PTPRD: variants seen among roughly 807,000 people sequenced by gnomAD.
The protein encoded by PTPRD is protein tyrosine phosphatase receptor type D.
PTPRD carries 34 observed loss-of-function variants against 214.5 expected under a neutral mutation model. That is an observed-to-expected ratio of 0.16 (90% CI 0.12 to 0.21). The LOEUF (loss-of-function observed/expected upper bound fraction) is 0.21, where lower values mean the gene tolerates loss of function less well. Among genes scored for constraint, PTPRD ranks in the 10% least tolerant of loss-of-function variants. PTPRD has a pLI of 1.00. For synonymous variants in PTPRD, 1,128 were observed against 845.7 expected, an observed-to-expected ratio of 1.33 and a Z score of -5.79; for missense variants, 2,545 against 2,398.7, an observed-to-expected ratio of 1.06 and a Z score of -1.27.
intron 11 of PTPRD, among the ~76,000 whole-genome samples, chr9:8,887,604 T>A (rs1390854089): frequency 2.0e-5 from 3 of 152,184 alleles, no homozygotes. Flanking sequence ...TGTAGGAGAT[T>A]ACAACATTTT....
At chr9:9,145,988 A>T (rs2099868006) in intron 10 of PTPRD, among the ~76,000 whole-genome samples, 1 of 152,222 alleles carries the variant, frequency 6.6e-6, no homozygotes, top group African/African-American at 2.4e-5. Flanking sequence ...CAAGTGCCTG[A>T]TGGCGCTTTG....
At chr9:9,483,007 T>A (rs369132916) in intron 8 of PTPRD, among the ~76,000 whole-genome samples, 2 of 152,316 alleles carry the variant, frequency 1.3e-5, no homozygotes, top group South Asian at 2.1e-4. Context: ...CTTCTCCATC[T>A]TAATGAAATC....
intron 3 of PTPRD, among the ~76,000 whole-genome samples, chr9:10,241,099 G>T (rs2090951611): frequency 6.6e-6 from 1 of 151,432 alleles, no homozygotes; most frequent in Non-Finnish European, 1.5e-5. Context: ...ATAAAAAGAT[G>T]CTCAACATCA....
At chr9:10,168,986 G>C (rs1478213956) in intron 3 of PTPRD, among the ~76,000 whole-genome samples, 1 of 152,066 alleles carries the variant, frequency 6.6e-6, no homozygotes, top group African/African-American at 2.4e-5. Flanking sequence ...GGAGTTTATT[G>C]CAGAAAAATG....
At chr9:10,382,380 G>A (rs923732178) in intron 2 of PTPRD, among the ~76,000 whole-genome samples, 1 of 151,818 alleles carries the variant, frequency 6.6e-6, no homozygotes, top group Non-Finnish European at 1.5e-5. Context: ...TTTCACTCCA[G>A]TGCCTCTGCA....
Position 9,892,571 on chromosome 9 carries a change from G to GA in PTPRD, c.-368+45935dup, listed in dbSNP as rs1388768003. On this transcript the variant is annotated intron_variant, in intron 5 of 45. Coordinates refer to ENST00000381196, the MANE Select transcript of PTPRD (RefSeq NM_002839.4). ...TTACTAGTAAGATGGAAAAACATTG[G>GA]AACTAGTAAGATGAAAAAGCATTGG... Among the ~76,000 whole-genome samples, 12 of 152,144 alleles carry GA rather than the reference G, an allele frequency of 7.9e-5. No individual in the cohort carries two copies. In the East Asian group the frequency reaches 2.3e-3, roughly 29 times the overall value.
intron 3 of PTPRD, among the ~76,000 whole-genome samples, chr9:10,040,942 G>A (rs1272273718): frequency 6.6e-6 from 1 of 151,970 alleles, no homozygotes; most frequent in Admixed American, 6.6e-5. Flanking sequence ...CTGTAATGTG[G>A]GTGAGACTGC....
intron 39 of PTPRD, among the ~76,000 whole-genome samples, chr9:8,365,693 T>A (rs2079656222): frequency 6.6e-6 from 1 of 152,036 alleles, no homozygotes; most frequent in South Asian, 2.1e-4. Context: ...ATTCCTTGAA[T>A]CTGGAATGGC....
At chr9:10,336,751 A>G (rs1027258651) in intron 3 of PTPRD, among the ~76,000 whole-genome samples, 7 of 151,688 alleles carry the variant, frequency 4.6e-5, no homozygotes, top group African/African-American at 1.5e-4. Flanking sequence ...ATAAAGAGCT[A>G]TATCTAAAAC....
intron 11 of PTPRD, among the ~76,000 whole-genome samples, chr9:8,802,792 C>T (rs2096597901): frequency 6.6e-6 from 1 of 152,160 alleles, no homozygotes; most frequent in African/African-American, 2.4e-5. Context: ...TGGCTTAAAC[C>T]TGTAATCTCA....
In PTPRD at chr9:9,638,577, C is replaced by T. The variant is rs562345170; in HGVS notation, c.-286-63796G>A. On this transcript the variant is annotated intron_variant, in intron 7 of 45. Coordinates refer to ENST00000381196, the MANE Select transcript of PTPRD (RefSeq NM_002839.4). ...TTCTTCTGAGCCCTCACCTGAATCA[C>T]CCTAATGCTCCATTCATAGCAAAGT... Among the ~76,000 whole-genome samples, 26 of 152,262 alleles carry T rather than the reference C, an allele frequency of 1.7e-4. No homozygotes were observed. In the East Asian group the frequency reaches 4.2e-3, roughly 25 times the overall value.
chr9:10,219,032 C>T (rs567674494), intron 3 of PTPRD, among the ~76,000 whole-genome samples: 2 of 151,878 alleles, frequency 1.3e-5, no homozygotes, highest in African/African-American at 4.8e-5. Context: ...CGAGGCACCA[C>T]TTGAAAGTTA....
intron 3 of PTPRD, among the ~76,000 whole-genome samples, chr9:10,215,154 C>G (rs761374547): frequency 2.3e-4 from 35 of 151,416 alleles, no homozygotes; most frequent in Non-Finnish European, 4.0e-4. Context: ...AATTATGAAA[C>G]AGATGAGAAA....
intron 2 of PTPRD, among the ~76,000 whole-genome samples, chr9:10,511,993 TG>T (rs2048354827): frequency 9.6e-6 from 1 of 103,986 alleles, no homozygotes; most frequent in Non-Finnish European, 1.9e-5. Context: ...TATATACGTG[TG>T]TGTATATATA....
intron 3 of PTPRD, among the ~76,000 whole-genome samples, chr9:10,066,148 T>C (rs2097878939): frequency 6.6e-6 from 1 of 151,926 alleles, no homozygotes; most frequent in African/African-American, 2.4e-5. Flanking sequence ...GGATACTTTT[T>C]TTTTATTTTT....
intron 3 of PTPRD, among the ~76,000 whole-genome samples, chr9:10,059,878 A>G (rs567642885): frequency 1.3e-5 from 2 of 152,038 alleles, no homozygotes; most frequent in Non-Finnish European, 2.9e-5. Flanking sequence ...CTTCATTAGC[A>G]CATAATTGGA....
At chr9:9,448,866 T>C (rs2091305108) in intron 8 of PTPRD, among the ~76,000 whole-genome samples, 1 of 151,988 alleles carries the variant, frequency 6.6e-6, no homozygotes, top group Non-Finnish European at 1.5e-5. Context: ...ATGGATGAGG[T>C]TGCTAATCAT....
At chr9:8,804,590 T>C (rs1009840089) in intron 11 of PTPRD, among the ~76,000 whole-genome samples, 2 of 151,954 alleles carry the variant, frequency 1.3e-5, no homozygotes, top group Non-Finnish European at 2.9e-5. Context: ...AGAGAGACAC[T>C]CTGTCTCCAA....
At chr9:9,770,701 T>G (rs1005960350) in intron 5 of PTPRD, among the ~76,000 whole-genome samples, 1 of 152,162 alleles carries the variant, frequency 6.6e-6, no homozygotes, top group Non-Finnish European at 1.5e-5. Context: ...CAGGCCATGT[T>G]TGTTTGTTGA....
Sources: gnomAD v4.1 joint callset for allele counts (sites outside exome capture counted in the v4.1 genomes callset) on GRCh38, gnomAD v4.1.1 for gene constraint, MANE v1.5 for transcripts, NCBI Gene and HGNC (gene_info 2026-07-23, HGNC 2026-07-21) for gene names.